Variants in CSMD3 observed in about 807,000 individuals in gnomAD.
CSMD3 encodes the protein CUB and sushi domain-containing protein 3.
In CSMD3, 177 loss-of-function variants were observed where a neutral mutation model predicts 435.2. The observed-to-expected ratio is 0.41, with a 90% CI of 0.36 to 0.46. The LOEUF (loss-of-function observed/expected upper bound fraction) is 0.46. Among genes scored for constraint, CSMD3 ranks in the 20% least tolerant of loss-of-function variants. The pLI, the probability that CSMD3 is intolerant of heterozygous loss-of-function variation, is 0.34. For missense variants in CSMD3, 4,265 were observed against 4,504.6 expected, an observed-to-expected ratio of 0.95 and a Z score of 1.52; for synonymous variants, 1,656 against 1,520.5, an observed-to-expected ratio of 1.09 and a Z score of -2.07.
At chr8:112,805,187 A>G (rs1403745538) in intron 12 of CSMD3, among the ~76,000 whole-genome samples, 1 of 152,100 alleles carries the variant, frequency 6.6e-6, no homozygotes. Flanking sequence ...AGACTACCAT[A>G]TTCTATATTC....
intron 45 of CSMD3, among the ~76,000 whole-genome samples, chr8:112,322,141 A>C (rs1268797096): frequency 6.6e-6 from 1 of 152,092 alleles, no homozygotes; most frequent in Non-Finnish European, 1.5e-5. Flanking sequence ...GTATTATTTT[A>C]CTTGTGTTTT....
intron 7 of CSMD3, among the ~76,000 whole-genome samples, chr8:112,963,011 T>C (rs892641383): frequency 1.7e-4 from 26 of 152,084 alleles, no homozygotes; most frequent in Admixed American, 5.3e-4. Flanking sequence ...ATTTAAGCTT[T>C]TGAAGCAGTA....
At chr8:112,243,101 T>C (rs1814325447) in intron 65 of CSMD3, among the ~76,000 whole-genome samples, 1 of 152,116 alleles carries the variant, frequency 6.6e-6, no homozygotes, top group Admixed American at 6.6e-5. Flanking sequence ...TTGTAAACAC[T>C]TTGAGTGAAG....
At chr8:112,706,976 G>A (rs2076511949) in intron 13 of CSMD3, among the ~76,000 whole-genome samples, 1 of 152,018 alleles carries the variant, frequency 6.6e-6, no homozygotes, top group African/African-American at 2.4e-5. Context: ...TTTCTCTGAA[G>A]TACCTTGAAT....
At position 112,307,811 on chromosome 8, in the gene CSMD3, T is replaced by C. The variant is rs934590706; in HGVS notation, c.7886-1619A>G. ...AATTACAGATTTATATTTTCTCTCA[T>C]AACAGAAGAAATAAACTACAGAAAG... is the stretch of plus-strand genomic sequence containing the variant. On this transcript the variant is annotated intron_variant, in intron 50 of 70. Transcript: ENST00000297405. 2.0e-5 allele frequency among the ~76,000 whole-genome samples: 3 copies of C among 152,182 alleles called. No homozygotes were observed. The East Asian group carries it at 5.8e-4, about 29-fold the overall frequency.
At chr8:113,411,401 C>T (rs1016333279) in intron 1 of CSMD3, among the ~76,000 whole-genome samples, 1 of 152,120 alleles carries the variant, frequency 6.6e-6, no homozygotes, top group Admixed American at 6.6e-5. Flanking sequence ...ACTTGTGTTC[C>T]CGTTCAAACA....
intron 3 of CSMD3, among the ~76,000 whole-genome samples, chr8:113,186,422 C>CT (rs1457198260): frequency 6.6e-6 from 1 of 152,008 alleles, no homozygotes; most frequent in East Asian, 1.9e-4. Context: ...AAGTAGCAGC[C>CT]TTTCAAACAG....
At chr8:113,154,971 C>T (rs568039595) in intron 4 of CSMD3, among the ~76,000 whole-genome samples, 2 of 152,078 alleles carry the variant, frequency 1.3e-5, no homozygotes, top group Admixed American at 6.6e-5. Context: ...AATAAATGTG[C>T]ATTTTCTTTC....
chr8:112,557,843 A>G (rs1277499968), intron 24 of CSMD3, among the ~76,000 whole-genome samples: 1 of 151,984 alleles, frequency 6.6e-6, no homozygotes, highest in Non-Finnish European at 1.5e-5. Context: ...GCATTCTAGC[A>G]AATTATCAAA....
At chr8:112,293,171 G>C (rs375685777) in intron 54 of CSMD3, among the ~76,000 whole-genome samples, 1 of 152,028 alleles carries the variant, frequency 6.6e-6, no homozygotes, top group Non-Finnish European at 1.5e-5. Context: ...TGGGAGGATT[G>C]CTTGAGGAGA....
At chr8:112,396,356 T>TATATCTAAAC (rs755234710) in intron 35 of CSMD3, among the ~76,000 whole-genome samples, 5 of 152,172 alleles carry the variant, frequency 3.3e-5, no homozygotes, top group Non-Finnish European at 7.4e-5. Flanking sequence ...TGTCAAAGAT[T>TATATCTAAAC]ATATCTAAAC....
intron 1 of CSMD3, among the ~76,000 whole-genome samples, chr8:113,324,753 A>C (rs2093972190): frequency 6.6e-6 from 1 of 152,158 alleles, no homozygotes; most frequent in African/African-American, 2.4e-5. Context: ...AGATCCACTG[A>C]AAGATTGCAC....
At chr8:112,626,759 T>C (rs1834508269) in intron 22 of CSMD3, among the ~76,000 whole-genome samples, 2 of 152,132 alleles carry the variant, frequency 1.3e-5, no homozygotes, top group African/African-American at 4.8e-5. Flanking sequence ...TGCCAAATGA[T>C]AGTATTTCCT....
chr8:112,281,755 T>C (rs1001956966), intron 58 of CSMD3, among the ~76,000 whole-genome samples: 2 of 152,118 alleles, frequency 1.3e-5, no homozygotes, highest in Non-Finnish European at 2.9e-5. Flanking sequence ...TTTATTACAT[T>C]TATATTTCAG....
chr8:112,969,983 C>T (rs2084582771), intron 7 of CSMD3, among the ~76,000 whole-genome samples: 1 of 152,010 alleles, frequency 6.6e-6, no homozygotes. Flanking sequence ...ACATATCAGA[C>T]ACTAAATGAA....
At position 112,295,773 on chromosome 8, in the gene CSMD3, A is replaced by G. The variant is rs1820198575; in HGVS notation, c.8614+60T>C. On this transcript the variant is annotated intron_variant, in intron 54 of 70. Transcript: ENST00000297405. ...AATATATATATTCATCTTGCCTAAC[A>G]AAAACTAGAATTATTCCAAAGATCA... is the stretch of plus-strand genomic sequence containing the variant. 5 of 1,472,064 alleles carry G rather than the reference A, an allele frequency of 3.4e-6. No homozygotes were observed. The South Asian group carries it at 5.8e-5, about 17-fold the overall frequency. The allele number at this position is 1,472,064 out of a possible 1,614,324, so 91.2% of individuals were successfully genotyped here.
At chr8:112,390,533 C>T in intron 36 of CSMD3, 131 bp downstream of exon 36, 1 of 760,272 alleles carries the variant, frequency 1.3e-6, no homozygotes, top group Non-Finnish European at 2.2e-6. Context: ...TAACAAATAT[C>T]TTTCTATTCA....
chr8:112,539,252 G>A (rs1418290379), intron 27 of CSMD3: 1 of 152,500 alleles, frequency 6.6e-6, no homozygotes, highest in African/African-American at 2.4e-5. Context: ...ATGCATACTG[G>A]CTATCATTAA....
At chr8:112,654,285 AAG>A (rs1440209418) in intron 18 of CSMD3, among the ~76,000 whole-genome samples, 1 of 152,198 alleles carries the variant, frequency 6.6e-6, no homozygotes, top group East Asian at 1.9e-4. Context: ...AACAGTAAGA[AAG>A]AGATGAATGA....
Sources: gnomAD v4.1 joint callset for allele counts (sites outside exome capture counted in the v4.1 genomes callset) on GRCh38, gnomAD v4.1.1 for gene constraint, MANE v1.5 for transcripts, NCBI Gene and HGNC (gene_info 2026-07-23, HGNC 2026-07-21) for gene names.